FHIT: variants seen among roughly 807,000 people sequenced by gnomAD.
FHIT encodes fragile histidine triad diadenosine triphosphatase.
FHIT carries 19 observed loss-of-function variants against 17.9 expected under a neutral mutation model. That is an observed-to-expected ratio of 1.06 (90% CI 0.74 to 1.56). FHIT has a LOEUF of 1.56. Ranked by LOEUF, FHIT falls within the 40% of genes most tolerant of loss-of-function variation. FHIT has a pLI of 0.00. For missense variants in FHIT, 248 were observed against 189.2 expected, an observed-to-expected ratio of 1.31 and a Z score of -1.82; for synonymous variants, 81 against 69.7, an observed-to-expected ratio of 1.16 and a Z score of -0.81.
chr3:61,175,678 G>A (rs957889289), intron 2 of FHIT, among the ~76,000 whole-genome samples: 2 of 150,508 alleles, frequency 1.3e-5, no homozygotes, highest in African/African-American at 4.9e-5. Context: ...GTCAAAAGGA[G>A]TACTCTCTTG....
chr3:61,186,210 T>C (rs996278359), intron 2 of FHIT, among the ~76,000 whole-genome samples: 4 of 152,196 alleles, frequency 2.6e-5, no homozygotes, highest in African/African-American at 7.2e-5. Context: ...TTATTAAAGT[T>C]GAAGAACTTG....
At chr3:60,783,952 G>A (rs1275210943) in intron 4 of FHIT, among the ~76,000 whole-genome samples, 1 of 152,124 alleles carries the variant, frequency 6.6e-6, no homozygotes, top group African/African-American at 2.4e-5. Context: ...TTTTACAAAA[G>A]AATAAAAGCA....
chr3:60,589,335 A>G (rs62249090), intron 4 of FHIT, among the ~76,000 whole-genome samples: 27,099 of 151,894 alleles, frequency 0.18, 2,813 homozygotes, highest in Middle Eastern at 0.33. Flanking sequence ...AGAACCAATC[A>G]CTTGTATTTG....
chr3:59,783,768 A>G (rs1388566428), intron 8 of FHIT, among the ~76,000 whole-genome samples: 1 of 152,032 alleles, frequency 6.6e-6, no homozygotes, highest in African/African-American at 2.4e-5. Flanking sequence ...CCTCTGGGGG[A>G]GCTGATTTGC....
At chr3:59,947,179 T>C (rs1004816426) in intron 7 of FHIT, among the ~76,000 whole-genome samples, 2 of 152,206 alleles carry the variant, frequency 1.3e-5, no homozygotes, top group African/African-American at 4.8e-5. Context: ...TATTACTGAT[T>C]CAATTTTGGA....
intron 8 of FHIT, among the ~76,000 whole-genome samples, chr3:59,919,282 C>T (rs1243084835): frequency 6.6e-6 from 1 of 152,162 alleles, no homozygotes; most frequent in Non-Finnish European, 1.5e-5. Flanking sequence ...AGCTCACCCC[C>T]TTGGAAGGCA....
chr3:59,978,628 T>TG (rs537022085), intron 7 of FHIT, among the ~76,000 whole-genome samples: 28 of 151,150 alleles, frequency 1.9e-4, no homozygotes, highest in Non-Finnish European at 3.0e-4. Context: ...AACGGGGCTT[T>TG]GGGGAGCTGC....
At chr3:60,078,634 C>A (rs1019886321) in intron 5 of FHIT, among the ~76,000 whole-genome samples, 1 of 152,100 alleles carries the variant, frequency 6.6e-6, no homozygotes, top group Non-Finnish European at 1.5e-5. Flanking sequence ...AGCTTTATAT[C>A]AAGGTTAATT....
At chr3:60,254,204 AC>A (rs1381010261) in intron 5 of FHIT, among the ~76,000 whole-genome samples, 1 of 152,142 alleles carries the variant, frequency 6.6e-6, no homozygotes, top group Non-Finnish European at 1.5e-5. Flanking sequence ...CCAAAGCAAG[AC>A]CTAACCCTTG....
intron 3 of FHIT, among the ~76,000 whole-genome samples, chr3:60,921,904 G>C (rs1707307899): frequency 6.6e-6 from 1 of 152,118 alleles, no homozygotes; most frequent in Non-Finnish European, 1.5e-5. Flanking sequence ...TGTAATAATA[G>C]TAATTTAATA....
intron 8 of FHIT, among the ~76,000 whole-genome samples, chr3:59,871,175 T>G (rs1702905964): frequency 6.6e-6 from 1 of 152,124 alleles, no homozygotes; most frequent in Non-Finnish European, 1.5e-5. Flanking sequence ...TGATACAGGG[T>G]AGCAAATACT....
intron 3 of FHIT, among the ~76,000 whole-genome samples, chr3:60,913,224 G>A (rs945255114): frequency 6.6e-6 from 1 of 152,240 alleles, no homozygotes; most frequent in Admixed American, 6.5e-5. Flanking sequence ...TGACTCTATA[G>A]TGTTGAGACT....
chr3:60,047,637 A>C (rs1701706620), intron 5 of FHIT, among the ~76,000 whole-genome samples: 1 of 152,266 alleles, frequency 6.6e-6, no homozygotes, highest in Non-Finnish European at 1.5e-5. Flanking sequence ...TATGACAACC[A>C]GAATGCAACA....
chr3:60,986,243 G>C (rs140670324), intron 3 of FHIT, among the ~76,000 whole-genome samples: 1 of 152,056 alleles, frequency 6.6e-6, no homozygotes, highest in Non-Finnish European at 1.5e-5. Flanking sequence ...ATAGTCCAGG[G>C]TCCACACTTT....
At chr3:60,409,007 G>A (rs1039898849) in intron 5 of FHIT, among the ~76,000 whole-genome samples, 4 of 152,020 alleles carry the variant, frequency 2.6e-5, no homozygotes, top group Admixed American at 6.6e-5. Context: ...GGGCTCAAAC[G>A]CCAACTTTGC....
chr3:60,222,568 A>G (rs1016922103), intron 5 of FHIT, among the ~76,000 whole-genome samples: 1 of 152,160 alleles, frequency 6.6e-6, no homozygotes, highest in African/African-American at 2.4e-5. Context: ...AGGCGGGTGG[A>G]TCACGAGGTC....
intron 4 of FHIT, among the ~76,000 whole-genome samples, chr3:60,695,170 G>A (rs2041086880): frequency 6.6e-6 from 1 of 152,184 alleles, no homozygotes; most frequent in Admixed American, 6.6e-5. Context: ...CAAGACAGGT[G>A]AATCACCTAA....
chr3:61,238,477 G>A (rs925446057), intron 1 of FHIT, among the ~76,000 whole-genome samples: 7 of 152,186 alleles, frequency 4.6e-5, no homozygotes, highest in African/African-American at 1.7e-4. Context: ...AGAGCTTACA[G>A]TCCAAAGGGA....
At chr3:60,474,915 A>C (rs112112985) in intron 5 of FHIT, among the ~76,000 whole-genome samples, 5,721 of 152,072 alleles carry the variant, frequency 0.038, 349 homozygotes, top group African/African-American at 0.13. Flanking sequence ...GAGCCACCGC[A>C]CCTGGCCAAC....
Sources: allele counts gnomAD v4.1 joint callset (sites outside exome capture counted in the v4.1 genomes callset), GRCh38; gene constraint gnomAD v4.1.1; transcripts MANE v1.5; gene names NCBI Gene and HGNC (gene_info 2026-07-23, HGNC 2026-07-21).